Variants in USP10 observed in about 807,000 individuals in gnomAD.
USP10 encodes ubiquitin specific peptidase 10, also known as ubiquitin carboxyl-terminal hydrolase 10.
USP10 carries 22 observed loss-of-function variants against 84.5 expected under a neutral mutation model. That is an observed-to-expected ratio of 0.26 (90% CI 0.19 to 0.37). USP10 has a LOEUF of 0.37. USP10 is among the 10% of genes least tolerant of loss of function. The pLI is 1.00. For missense variants in USP10, 1,019 were observed against 998.9 expected (o/e 1.02, Z -0.27); for synonymous variants, 454 against 387.6 (o/e 1.17, Z -2.01).
In USP10 at chr16:84,759,435, C is replaced by T; in HGVS notation, c.1357C>T (p.Gln453Ter). The T allele has an allele frequency of 6.2e-7, 1 of 1,614,010 alleles. No individual in the cohort carries two copies. The highest frequency in any genetic ancestry group is 8.5e-7 in the Non-Finnish European group (1 of 1,179,892). The change falls in exon 6 of 14, where the codon CAA (glutamine) becomes TAA (stop). Residue 453 changes from glutamine (Q) to a stop codon, truncating the protein, a stop_gained. Transcript: ENST00000219473. LOFTEE classifies it high-confidence loss of function. ...MKFIPLYSKV[Q>*]RPCTSTPMID... ...GTTCATTCCTCTGTATTCCAAAGTG[C>T]AAAGGCCTTGTACGTCAACACCCAT...
chr16:84,737,612 C>T (rs1910099091), intron 2 of USP10, among the ~76,000 whole-genome samples: 1 of 152,224 alleles, frequency 6.6e-6, no homozygotes, highest in East Asian at 1.9e-4. Context: ...GTTGAGCATG[C>T]TTACTGAAGG....
intron 4 of USP10, among the ~76,000 whole-genome samples, chr16:84,751,458 G>A (rs561717003): frequency 1.3e-5 from 2 of 152,318 alleles, no homozygotes; most frequent in Middle Eastern, 3.4e-3. Context: ...GTCATGCGGC[G>A]TGATCTAAGT....
chr16:84,702,448 C>G lies in USP10; in HGVS notation c.21+2337C>G, dbSNP rs1014922339. Among the ~76,000 whole-genome samples, 5 of 152,272 alleles carry G rather than the reference C, an allele frequency of 3.3e-5. No individual in the cohort carries two copies. In the South Asian group the frequency reaches 6.2e-4, roughly 19 times the overall value. ...CAGGATTTAGTTACTGGTTCCTGCT[C>G]CAGTCATTCTGAGCGTTTTAATAAA... On this transcript the variant is annotated intron_variant, in intron 1 of 13. Transcript: ENST00000219473.
chr16:84,731,009 C>G (rs1029967505), intron 1 of USP10, among the ~76,000 whole-genome samples: 1 of 119,876 alleles, frequency 8.3e-6, no homozygotes, highest in Admixed American at 1.0e-4. Context: ...GACACGGAAT[C>G]TCTCTCTGTC....
rs749648744 is a variant in USP10 at position 84,759,391 on chromosome 16, C to T, written c.1313C>T (p.Pro438Leu). 1.2e-6 allele frequency: 2 copies of T among 1,613,876 alleles called. No individual in the cohort carries two copies. The highest frequency in any genetic ancestry group is 1.3e-5 in the African/African-American group (1 of 74,896). ...ATLQALVACP[P>L]MYHLMKFIPL... Reference sequence around the variant, plus strand: ...CTGCAGGCATTGGTTGCTTGCCCGCCGATGTACCACCTGATGAAGTTCATT... The same window carrying T: ...CTGCAGGCATTGGTTGCTTGCCCGCTGATGTACCACCTGATGAAGTTCATT... The change falls in exon 6 of 14, where the codon CCG becomes CTG. Residue 438 changes from proline (P) to leucine (L), a missense_variant. By Grantham distance (98) the Pro-to-Leu change is moderately conservative. Coordinates refer to ENST00000219473, the MANE Select transcript of USP10 (RefSeq NM_005153.3).
chr16:84,742,504 G>T lies in USP10; in HGVS notation c.152-2129G>T, dbSNP rs563310190. Among the ~76,000 whole-genome samples, 3 of 152,332 alleles carry T rather than the reference G, an allele frequency of 2.0e-5. No homozygotes were observed. In the East Asian group the frequency reaches 5.8e-4, roughly 29 times the overall value. ...CCCTCGCCCCCTGCCTTGTAGTCCA[G>T]TCCTCTCTACTGCATGTACTGCAGT... On this transcript the variant is annotated intron_variant, in intron 3 of 13. Coordinates refer to ENST00000219473, the MANE Select transcript of USP10 (RefSeq NM_005153.3).
chr16:84,771,013 C>T (rs1002204883), intron 11 of USP10, among the ~76,000 whole-genome samples: 5 of 150,148 alleles, frequency 3.3e-5, no homozygotes, highest in African/African-American at 1.2e-4. Context: ...GCTGAGATCG[C>T]ACCACTGCAC....
intron 1 of USP10, among the ~76,000 whole-genome samples, chr16:84,705,263 G>A (rs1180651821): frequency 1.3e-5 from 2 of 150,828 alleles, no homozygotes; most frequent in African/African-American, 2.4e-5. Flanking sequence ...ACGGAGTCTC[G>A]CTCTGTCGCC....
chr16:84,768,668 C>G (rs546686272), intron 11 of USP10, among the ~76,000 whole-genome samples: 1 of 152,140 alleles, frequency 6.6e-6, no homozygotes, highest in Admixed American at 6.5e-5. Flanking sequence ...CTGACAGAGG[C>G]CAAATAGCTT....
chr16:84,771,493 C>G (rs996411815), intron 11 of USP10, among the ~76,000 whole-genome samples: 2 of 151,992 alleles, frequency 1.3e-5, no homozygotes, highest in African/African-American at 4.8e-5. Flanking sequence ...GAGATCCTGT[C>G]TTAAAAAAAC....
In USP10 at chr16:84,743,262, T is replaced by A. The variant is rs144169755; in HGVS notation, c.152-1371T>A. 2.0e-3 allele frequency among the ~76,000 whole-genome samples: 309 copies of A among 152,358 alleles called. 1 individual carries two copies. The highest frequency in any genetic ancestry group is 7.0e-3 in the African/African-American group (292 of 41,582). On this transcript the variant is annotated intron_variant, in intron 3 of 13. Transcript: ENST00000219473. ...TGTTAGGTGTAATCGTCATCAGTGT[T>A]CTTTTCCAGGAACTTTCTCTTGTTG...
intron 4 of USP10, among the ~76,000 whole-genome samples, chr16:84,754,286 C>T (rs1279185553): frequency 6.6e-6 from 1 of 151,924 alleles, no homozygotes; most frequent in Non-Finnish European, 1.5e-5. Context: ...AAAGACTTGC[C>T]ACTAGATAAA....
At chr16:84,767,959 G>T (rs1230833242) in intron 10 of USP10, among the ~76,000 whole-genome samples, 3 of 152,100 alleles carry the variant, frequency 2.0e-5, no homozygotes, top group African/African-American at 7.2e-5. Flanking sequence ...GATTACTTGA[G>T]ATCAGGGATT....
intron 1 of USP10, among the ~76,000 whole-genome samples, chr16:84,700,877 C>T (rs970944114): frequency 6.6e-6 from 1 of 151,992 alleles, no homozygotes; most frequent in Non-Finnish European, 1.5e-5. Flanking sequence ...TAGAGTTAAG[C>T]TCTTATTCCC....
chr16:84,736,974 G>A (rs1910016099), intron 2 of USP10, among the ~76,000 whole-genome samples: 2 of 152,170 alleles, frequency 1.3e-5, no homozygotes, highest in South Asian at 4.1e-4. Flanking sequence ...GGTTTTAGTA[G>A]AGGCGGGGTT....
chr16:84,726,024 A>G (rs928923189), intron 1 of USP10, among the ~76,000 whole-genome samples: 1 of 152,354 alleles, frequency 6.6e-6, no homozygotes, highest in African/African-American at 2.4e-5. Flanking sequence ...GAGATTGGTC[A>G]TAGTTGTCCA....
chr16:84,776,844 GCT>G (rs1465971469), intron 13 of USP10, among the ~76,000 whole-genome samples: 5 of 152,078 alleles, frequency 3.3e-5, no homozygotes, highest in Non-Finnish European at 5.9e-5. Flanking sequence ...ATAGAGTTTT[GCT>G]CTGTCGCCCA....
intron 3 of USP10, among the ~76,000 whole-genome samples, chr16:84,744,366 A>G (rs1435766911): frequency 6.6e-6 from 1 of 152,190 alleles, no homozygotes; most frequent in African/African-American, 2.4e-5. Flanking sequence ...GCTTTTTATT[A>G]CAAATTTATT....
intron 10 of USP10, among the ~76,000 whole-genome samples, chr16:84,766,722 C>G (rs2150862655): frequency 6.6e-6 from 1 of 152,296 alleles, no homozygotes; most frequent in South Asian, 2.1e-4. Context: ...TTGAACAGCT[C>G]TGTCACAGCT....
Sources: gnomAD v4.1 joint callset for allele counts (sites outside exome capture counted in the v4.1 genomes callset) on GRCh38, gnomAD v4.1.1 for gene constraint, MANE v1.5 for transcripts, NCBI Gene and HGNC (gene_info 2026-07-23, HGNC 2026-07-21) for gene names.